RASA3: variants seen among roughly 807,000 people sequenced by gnomAD.
RASA3 encodes the protein ras GTPase-activating protein 3.
Under a neutral mutation model 110.0 loss-of-function variants are expected in RASA3, and 73 were observed. The ratio of observed to expected loss-of-function variants is 0.66; its 90% CI spans 0.55 to 0.81. RASA3 has a LOEUF of 0.81. RASA3 is among the 30% of genes least tolerant of loss of function. RASA3 has a pLI of 0.00. For synonymous variants in RASA3, 500 were observed against 451.4 expected, an observed-to-expected ratio of 1.11 and a Z score of -1.37; for missense variants, 976 against 1,113.2, an observed-to-expected ratio of 0.88 and a Z score of 1.75.
At chr13:114,032,097 C>T (rs539543925) in intron 4 of RASA3, among the ~76,000 whole-genome samples, 3 of 152,048 alleles carry the variant, frequency 2.0e-5, no homozygotes, top group Non-Finnish European at 4.4e-5. Flanking sequence ...ATATTTATTC[C>T]CTATACAAGT....
At chr13:114,024,877 G>A (rs567873216) in intron 7 of RASA3, among the ~76,000 whole-genome samples, 2 of 152,054 alleles carry the variant, frequency 1.3e-5, no homozygotes, top group Non-Finnish European at 2.9e-5. Context: ...TCAAGACGCT[G>A]CTACCTTCCT....
At position 114,021,289 on chromosome 13, in the gene RASA3, G is replaced by A. The variant is rs150501622; in HGVS notation, c.785+115C>T. The A allele has an allele frequency of 7.0e-6, 6 of 851,596 alleles. No homozygotes were observed. In the East Asian group the frequency reaches 1.5e-4, roughly 21 times the overall value. The allele number at this position is 851,596 out of a possible 1,614,324, so 52.8% of individuals were successfully genotyped here. On this transcript the variant is annotated intron_variant, in intron 9 of 23. Transcript: ENST00000334062. ...ACATGCAAAGTAAGAGCAGGTGGGT[G>A]CTGGGCACAGCCGAGGACCAGCACA...
intron 4 of RASA3, among the ~76,000 whole-genome samples, chr13:114,034,929 C>T (rs549433100): frequency 4.0e-5 from 6 of 151,376 alleles, no homozygotes; most frequent in East Asian, 2.0e-4. Flanking sequence ...GAGATCTGAA[C>T]GCTGACCTGA....
chr13:114,073,808 C>T lies in RASA3; in HGVS notation c.85G>A (p.Gly29Arg). 6.2e-7 allele frequency: 1 copy of T among 1,614,158 alleles called. No homozygotes were observed. The highest frequency in any genetic ancestry group is 1.7e-4 in the Middle Eastern group (1 of 6,060). Residue 29 changes from glycine (G) to arginine (R), a missense_variant, in exon 2 of 24, where the codon GGG (glycine) becomes AGG (arginine). Gly to Arg is a moderately radical substitution (Grantham distance 125). Transcript: ENST00000334062. ...GEAKNLPSYP[G>R]PSKMRDCYCT... The stretch of plus-strand genomic sequence containing the variant: ...TAGCAATCCCTCATCTTGCTCGGCC[C>T]CGGGTAAGAGGGAAGGTTTTTGGCT...
chr13:114,117,628 CTGAGGGGTGCATGTGTG>C (rs1566585879), intron 1 of RASA3, among the ~76,000 whole-genome samples: 3 of 53,122 alleles, frequency 5.6e-5, no homozygotes, highest in African/African-American at 7.8e-5. Flanking sequence ...GTGCACGTGT[CTGAGGGGTGCATGTGTG>C]TGAGGGGTGC....
intron 22 of RASA3, among the ~76,000 whole-genome samples, chr13:113,989,477 A>AC (rs2053054491): frequency 1.1e-5 from 1 of 90,358 alleles, no homozygotes; most frequent in Non-Finnish European, 2.2e-5. Context: ...CTGTCCATCC[A>AC]CCATCACTCA....
At chr13:114,034,016 C>T (rs959353523) in intron 4 of RASA3, among the ~76,000 whole-genome samples, 1 of 152,272 alleles carries the variant, frequency 6.6e-6, no homozygotes, top group Non-Finnish European at 1.5e-5. Context: ...CTGTGGTCCT[C>T]ACCGCCTGGC....
intron 4 of RASA3, among the ~76,000 whole-genome samples, chr13:114,032,155 G>A (rs990085389): frequency 2.0e-5 from 3 of 152,006 alleles, no homozygotes; most frequent in Non-Finnish European, 2.9e-5. Flanking sequence ...TTCAAAAACC[G>A]AGACCCTCAC....
chr13:114,065,667 C>T lies in RASA3; in HGVS notation c.173+8053G>A, dbSNP rs142274506. 2.1e-4 allele frequency among the ~76,000 whole-genome samples: 32 copies of T among 152,236 alleles called. No individual in the cohort carries two copies. The highest frequency in any genetic ancestry group is 7.2e-4 in the Admixed American group (11 of 15,290). ...GACCGCAGGCTGGAGAATGGGGGTC[C>T]GCGGTCAGCTCATAGCCCACCCGCC... On this transcript the variant is annotated intron_variant, in intron 2 of 23. Coordinates refer to ENST00000334062, the MANE Select transcript of RASA3 (RefSeq NM_007368.4). The surrounding 1 kb of genome is among the most constrained non-coding windows in gnomAD (Gnocchi z 4.1).
intron 3 of RASA3, among the ~76,000 whole-genome samples, chr13:114,050,583 C>G (rs894636285): frequency 6.6e-6 from 1 of 152,218 alleles, no homozygotes; most frequent in Admixed American, 6.5e-5. Flanking sequence ...AGGCCCTGCC[C>G]GGCCCCGAGG....
Position 113,979,340 on chromosome 13 carries a change from G to T in RASA3, c.*7C>A, listed in dbSNP as rs763846693. 5 of 1,584,242 alleles carry T rather than the reference G, an allele frequency of 3.2e-6. No homozygotes were observed. The South Asian group carries it at 4.4e-5, about 14-fold the overall frequency. The stretch of plus-strand genomic sequence containing the variant: ...TTGCTGGCGCCACTGGGCGCGTCCC[G>T]CAGACTTTAAATGGAATGAGTGGAG... On this transcript the variant is annotated 3_prime_UTR_variant, in exon 24 of 24. Transcript: ENST00000334062.
chr13:114,017,321 T>C lies in RASA3; in HGVS notation c.1122A>G (p.Ser374=), dbSNP rs780341379. 3.1e-6 allele frequency: 5 copies of C among 1,613,968 alleles called. No homozygotes were observed. In the African/African-American group the frequency reaches 6.7e-5, roughly 22 times the overall value. The change falls in exon 12 of 24, where the codon TCA becomes TCG. Residue 374 remains serine (S), a synonymous_variant. Coordinates refer to ENST00000334062, the MANE Select transcript of RASA3 (RefSeq NM_007368.4). ...QDPNTIFRGN[S]LASKCIDETM... ...TCTCGTCGATGCACTTGGACGCCAGTGAGTTTCCTCGGAAGATGGTGTTGG... is the reference window on the plus strand; with the variant it reads ...TCTCGTCGATGCACTTGGACGCCAGCGAGTTTCCTCGGAAGATGGTGTTGG...
At chr13:113,995,701 CTG>C (rs2053221248) in intron 21 of RASA3, among the ~76,000 whole-genome samples, 1 of 81,226 alleles carries the variant, frequency 1.2e-5, no homozygotes, top group African/African-American at 6.0e-5. Flanking sequence ...TGATGGGGGG[CTG>C]GCTGACGGAG....
At chr13:114,022,763 T>C (rs972265395) in intron 8 of RASA3, among the ~76,000 whole-genome samples, 3 of 152,186 alleles carry the variant, frequency 2.0e-5, no homozygotes, top group Admixed American at 2.0e-4. Context: ...TAAAACATGT[T>C]TTGTGTGCTT....
chr13:114,027,413 C>G lies in RASA3; in HGVS notation c.579G>C (p.Gln193His). ...CCTCAAAATAAAACACTTCATCGAA[C>G]TGGGGATTGTTGGTCTTCCTCTTCA... ...TKVKRKTNNP[Q>H]FDEVFYFEVT... is the part of the protein sequence containing the mutation. Residue 193 changes from glutamine (Q) to histidine (H), a missense_variant, in exon 7 of 24, where the codon CAG becomes CAC. Gln to His is a conservative substitution (Grantham distance 24). Around this residue, in one of 4 missense-constraint regions of RASA3, gnomAD observed 732 missense variants for 779.7 expected, o/e 0.94. Coordinates refer to ENST00000334062, the MANE Select transcript of RASA3 (RefSeq NM_007368.4). 1 of 1,613,124 alleles carries G rather than the reference C, an allele frequency of 6.2e-7. No individual in the cohort carries two copies. The highest frequency in any genetic ancestry group is 1.3e-5 in the African/African-American group (1 of 75,020).
intron 14 of RASA3, among the ~76,000 whole-genome samples, chr13:114,013,951 T>C (rs2053726100): frequency 2.5e-5 from 2 of 81,204 alleles, no homozygotes; most frequent in Admixed American, 1.2e-4. Context: ...TCTATCTCTC[T>C]GTCTCTCTCT....
chr13:114,075,214 C>A (rs1255558762), intron 1 of RASA3, among the ~76,000 whole-genome samples: 1 of 152,202 alleles, frequency 6.6e-6, no homozygotes, highest in Admixed American at 6.5e-5. Context: ...TTTCTCAGAA[C>A]CCCACTTCCG....
chr13:114,046,192 T>C (rs184275418), intron 3 of RASA3, among the ~76,000 whole-genome samples: 1 of 152,352 alleles, frequency 6.6e-6, no homozygotes, highest in African/African-American at 2.4e-5. Flanking sequence ...TGATCAAGAC[T>C]GCGTGGTATT....
chr13:114,072,118 C>T (rs9525375), intron 2 of RASA3, among the ~76,000 whole-genome samples: 33,204 of 152,046 alleles, frequency 0.22, 3,844 homozygotes, highest in African/African-American at 0.27. Context: ...ATGCTTCCCC[C>T]GAGGCCGCAG....
Sources: allele counts gnomAD v4.1 joint callset (sites outside exome capture counted in the v4.1 genomes callset), GRCh38; gene constraint gnomAD v4.1.1; regional missense constraint gnomAD v4.1.1; non-coding constraint Gnocchi (gnomAD v3.1); transcripts MANE v1.5; gene names NCBI Gene and HGNC (gene_info 2026-07-23, HGNC 2026-07-21).